Variants in GPR158 observed in about 807,000 individuals in gnomAD.
GPR158 encodes metabotropic glycine receptor.
GPR158 carries 30 observed loss-of-function variants against 78.2 expected under a neutral mutation model. The ratio of observed to expected loss-of-function variants is 0.38; its 90% CI spans 0.29 to 0.52. The LOEUF is 0.52. GPR158 is among the 20% of genes least tolerant of loss of function. GPR158 has a pLI of 0.83. For missense variants in GPR158, 1,463 were observed against 1,523.5 expected, an observed-to-expected ratio of 0.96 and a Z score of 0.66; for synonymous variants, 581 against 591.1, an observed-to-expected ratio of 0.98 and a Z score of 0.25.
intron 7 of GPR158, among the ~76,000 whole-genome samples, chr10:25,581,343 A>G (rs35600435): frequency 0.1 from 15,581 of 152,224 alleles, 1,075 homozygotes; most frequent in African/African-American, 0.2. Flanking sequence ...TACAGGCATG[A>G]GCCACCATGT....
chr10:25,305,941 A>G (rs1466637944), intron 2 of GPR158, among the ~76,000 whole-genome samples: 1 of 152,218 alleles, frequency 6.6e-6, no homozygotes, highest in Admixed American at 6.5e-5. Context: ...AGTTATTACA[A>G]GCAATTAAAA....
chr10:25,210,686 C>T (rs764844496), intron 1 of GPR158, among the ~76,000 whole-genome samples: 32 of 152,236 alleles, frequency 2.1e-4, no homozygotes, highest in Middle Eastern at 6.8e-3. Flanking sequence ...TGTTTATATC[C>T]TTTGCCCACT....
intron 5 of GPR158, among the ~76,000 whole-genome samples, chr10:25,489,242 A>C (rs1835772711): frequency 6.6e-6 from 1 of 152,180 alleles, no homozygotes; most frequent in Non-Finnish European, 1.5e-5. Flanking sequence ...GAGTTGCTAA[A>C]GAAGTTTAAG....
At chr10:25,231,302 A>G (rs1286232570) in intron 2 of GPR158, among the ~76,000 whole-genome samples, 1 of 152,188 alleles carries the variant, frequency 6.6e-6, no homozygotes, top group Non-Finnish European at 1.5e-5. Flanking sequence ...TCGATTGCAA[A>G]TCTGGGATAA....
At chr10:25,290,795 ATAAC>A (rs572879739) in intron 2 of GPR158, among the ~76,000 whole-genome samples, 31 of 152,214 alleles carry the variant, frequency 2.0e-4, no homozygotes, top group South Asian at 1.2e-3. Flanking sequence ...GTTCTTTTAG[ATAAC>A]TAACTGTTAC....
chr10:25,359,259 C>T (rs538936922), intron 2 of GPR158, among the ~76,000 whole-genome samples: 2 of 151,842 alleles, frequency 1.3e-5, no homozygotes, highest in Non-Finnish European at 2.9e-5. Flanking sequence ...AAGTTACCTT[C>T]TTAACAATAT....
intron 2 of GPR158, among the ~76,000 whole-genome samples, chr10:25,379,486 GTTTACTAGGACC>G (rs1834125813): frequency 6.6e-6 from 1 of 152,126 alleles, no homozygotes; most frequent in Admixed American, 6.5e-5. Flanking sequence ...AGCCAGGATT[GTTTACTAGGACC>G]TTTATCCATA....
chr10:25,358,948 T>G (rs1052771566), intron 2 of GPR158, among the ~76,000 whole-genome samples: 7 of 152,098 alleles, frequency 4.6e-5, no homozygotes, highest in African/African-American at 1.7e-4. Flanking sequence ...ATTGTTGAAT[T>G]AAGTTTTTTC....
intron 2 of GPR158, among the ~76,000 whole-genome samples, chr10:25,277,254 C>G (rs971958735): frequency 1.3e-5 from 2 of 152,078 alleles, no homozygotes; most frequent in Non-Finnish European, 2.9e-5. Context: ...GCTCAGCTCA[C>G]CTATTCATTT....
At chr10:25,401,345 A>G (rs1834443813) in intron 3 of GPR158, among the ~76,000 whole-genome samples, 1 of 152,164 alleles carries the variant, frequency 6.6e-6, no homozygotes, top group African/African-American at 2.4e-5. Flanking sequence ...CTCTAGTTGT[A>G]GAAGAAAGAT....
In GPR158 at chr10:25,423,787, A is replaced by T. The variant is rs559459295; in HGVS notation, c.1335+11314A>T. On this transcript the variant is annotated intron_variant, in intron 4 of 10. Coordinates refer to ENST00000376351, the MANE Select transcript of GPR158 (RefSeq NM_020752.3). ...ATTTTCTTAATCCAGTCTATCATTGATGGAAATTTGGGTTGGTTCCAAGTC... is the reference window on the plus strand; with the variant it reads ...ATTTTCTTAATCCAGTCTATCATTGTTGGAAATTTGGGTTGGTTCCAAGTC... 1.2e-4 allele frequency among the ~76,000 whole-genome samples: 18 copies of T among 152,256 alleles called. No homozygotes were observed. The South Asian group carries it at 2.9e-3, about 25-fold the overall frequency.
At chr10:25,352,140 A>G (rs920979563) in intron 2 of GPR158, among the ~76,000 whole-genome samples, 4 of 152,056 alleles carry the variant, frequency 2.6e-5, no homozygotes, top group African/African-American at 9.7e-5. Flanking sequence ...CTCCAGGACC[A>G]TGCTGTAGCC....
rs149332010 is a variant in GPR158 at position 25,195,374 on chromosome 10, T to G, written c.902+19052T>G. Among the ~76,000 whole-genome samples, 585 of 152,140 alleles carry G rather than the reference T, an allele frequency of 3.8e-3. 4 individuals are homozygous for G. The highest frequency in any genetic ancestry group is 8.2e-3 in the Admixed American group (126 of 15,284). The stretch of plus-strand genomic sequence containing the variant: ...GCATGCACCACCACACTGGGCTAAA[T>G]TTTTGTATTTTTGTAGAGTCGGGGT... On this transcript the variant is annotated intron_variant, in intron 1 of 10. Coordinates refer to ENST00000376351, the MANE Select transcript of GPR158 (RefSeq NM_020752.3).
At position 25,504,089 on chromosome 10, in the gene GPR158, C is replaced by T. The variant is rs550426443; in HGVS notation, c.1404+37370C>T. Among the ~76,000 whole-genome samples the T allele has an allele frequency of 7.2e-5, 11 of 152,128 alleles. No homozygotes were observed. In the South Asian group the frequency reaches 2.3e-3, roughly 32 times the overall value. ...TATTATTAATAGACATAGGGTTTCG[C>T]CATATCAGCCAGGCTAGTCTCAAAC... On this transcript the variant is annotated intron_variant, in intron 5 of 10. Transcript: ENST00000376351.
At chr10:25,551,106 G>A (rs747040524) in intron 6 of GPR158, 21 bp downstream of exon 6, 48 of 1,285,606 alleles carry the variant, frequency 3.7e-5, no homozygotes, top group South Asian at 1.9e-4. Context: ...TTTATTCATC[G>A]TCATTCTCAT....
chr10:25,332,166 G>A (rs1243712021), intron 2 of GPR158, among the ~76,000 whole-genome samples: 1 of 152,154 alleles, frequency 6.6e-6, no homozygotes, highest in Non-Finnish European at 1.5e-5. Flanking sequence ...TTCTGATTCA[G>A]TAGATGGGAG....
intron 6 of GPR158, among the ~76,000 whole-genome samples, chr10:25,552,934 T>C (rs1836746216): frequency 6.6e-6 from 1 of 152,222 alleles, no homozygotes; most frequent in Admixed American, 6.5e-5. Flanking sequence ...GAAAGATTAG[T>C]TGGGAACTAG....
intron 3 of GPR158, among the ~76,000 whole-genome samples, chr10:25,401,967 AG>A (rs1279097148): frequency 6.6e-6 from 1 of 152,148 alleles, no homozygotes; most frequent in East Asian, 1.9e-4. Flanking sequence ...ATAAGATACA[AG>A]GTGTTTACAT....
chr10:25,495,748 A>T (rs76091416), intron 5 of GPR158, among the ~76,000 whole-genome samples: 5,005 of 152,222 alleles, frequency 0.033, 276 homozygotes, highest in African/African-American at 0.11. Flanking sequence ...ATTCCCTAAA[A>T]TTATTAGCAA....
Sources: gnomAD v4.1 joint callset for allele counts (sites outside exome capture counted in the v4.1 genomes callset) on GRCh38, gnomAD v4.1.1 for gene constraint, MANE v1.5 for transcripts, NCBI Gene and HGNC (gene_info 2026-07-23, HGNC 2026-07-21) for gene names.